FBXO5: variants seen among roughly 807,000 people sequenced by gnomAD.
The protein encoded by FBXO5 is F-box only protein 5.
FBXO5 carries 8 observed loss-of-function variants against 43.3 expected under a neutral mutation model. That is an observed-to-expected ratio of 0.18 (90% CI 0.11 to 0.33). The LOEUF is 0.33. Among genes scored for constraint, FBXO5 ranks in the 10% least tolerant of loss-of-function variants. The probability of loss-of-function intolerance (pLI) is 1.00; values close to 1 mark genes in which losing one functional copy is unlikely to be tolerated. For missense variants in FBXO5, 491 were observed against 535.7 expected (o/e 0.92, Z 0.82); for synonymous variants, 204 against 193.7 (o/e 1.05, Z -0.44).
chr6:152,982,991 G>A lies in FBXO5; in HGVS notation c.-32C>T, dbSNP rs1778289688. ...CGACGTGGAGTCTGCCTCAGGTGGA[G>A]GAACCGCTCCGGGGGCAGCTGAGCA... is the stretch of plus-strand genomic sequence containing the variant. On this transcript the variant is annotated 5_prime_UTR_variant, in exon 1 of 5. Transcript: ENST00000229758. 5 of 1,334,256 alleles carry A rather than the reference G, an allele frequency of 3.7e-6. No homozygotes were observed. Among genetic ancestry groups the A allele is most frequent in the Non-Finnish European group, 2.9e-6 (3 of 1,035,446 alleles). The allele number at this position is 1,334,256 out of a possible 1,614,324, so 82.7% of individuals were successfully genotyped here.
chr6:152,983,024 T>A lies in FBXO5; in HGVS notation c.-65A>T. 1.0e-6 allele frequency: 1 copy of A among 977,704 alleles called. No homozygotes were observed. The highest frequency in any genetic ancestry group is 1.4e-6 in the Non-Finnish European group (1 of 715,524). The allele number at this position is 977,704 out of a possible 1,614,324, so 60.6% of individuals were successfully genotyped here. On this transcript the variant is annotated 5_prime_UTR_variant, in exon 1 of 5. Coordinates refer to ENST00000229758, the MANE Select transcript of FBXO5 (RefSeq NM_012177.5). ...TCCGGGGGCAGCTGAGCAACCTGCC[T>A]GCTTCACAGACCTGTATCTCTTAAA...
chr6:152,983,166 C>A (rs1778294694), upstream of FBXO5: 2 of 398,662 alleles, frequency 5.0e-6, no homozygotes, highest in Admixed American at 4.5e-5. Flanking sequence ...GGGGCGCCCT[C>A]GTCCGCGCCC....
In FBXO5 at chr6:152,973,061, T is replaced by C; in HGVS notation, c.894A>G (p.Ala298=). The C allele has an allele frequency of 6.2e-7, 1 of 1,613,748 alleles. No homozygotes were observed. The highest frequency in any genetic ancestry group is 8.5e-7 in the Non-Finnish European group (1 of 1,179,714). ...DKGAFQLYSK[A]IQRVTENNNK... ...AAACACTTACGGTAACTCTTTGTAT[T>C]GCTTTACTGTACAACTGGAATGCCC... The change falls in exon 3 of 5, where the codon GCA becomes GCG. Residue 298 remains alanine (A), a synonymous_variant. Coordinates refer to ENST00000229758, the MANE Select transcript of FBXO5 (RefSeq NM_012177.5).
At chr6:152,972,935 A>G in intron 3 of FBXO5, 111 bp downstream of exon 3, 1 of 709,356 alleles carries the variant, frequency 1.4e-6, no homozygotes. Context: ...ATAAGGCTGA[A>G]ATACTTTATG....
In FBXO5 at chr6:152,971,034, G is replaced by A. The variant is rs1778077505; in HGVS notation, c.*129C>T. ...GTCTATCCTCTTTATCTTCTGGGGGGAAAAAAACCTCAGGATACTACACCG... is the reference window on the plus strand; with the variant it reads ...GTCTATCCTCTTTATCTTCTGGGGGAAAAAAAACCTCAGGATACTACACCG... On this transcript the variant is annotated 3_prime_UTR_variant, in exon 5 of 5. Coordinates refer to ENST00000229758, the MANE Select transcript of FBXO5 (RefSeq NM_012177.5). 1.2e-6 allele frequency: 1 copy of A among 842,126 alleles called. No homozygotes were observed. Among genetic ancestry groups the A allele is most frequent in the East Asian group, 2.9e-5 (1 of 34,466 alleles). The allele number at this position is 842,126 out of a possible 1,614,324, so 52.2% of individuals were successfully genotyped here.
At chr6:152,977,769 AG>A (rs1049154641) in intron 1 of FBXO5, among the ~76,000 whole-genome samples, 2 of 152,214 alleles carry the variant, frequency 1.3e-5, no homozygotes, top group Non-Finnish European at 2.9e-5. Flanking sequence ...TGCTTTGTTT[AG>A]CTGCCTAAAC....
In FBXO5 at chr6:152,982,919, CG is replaced by C; in HGVS notation, c.40del (p.Arg14AlafsTer11). The stretch of plus-strand genomic sequence containing the variant: ...GCTGGGGCTGGCGCTGCAGGAGCAG[CG>C]GGGTGGCCGTAGGGCGCAGCTGCAG... ...RPCSCALRPP[R>X]CSCSASPSAV... On this transcript the variant is annotated frameshift_variant, in exon 1 of 5. Transcript: ENST00000229758. LOFTEE classifies it high-confidence loss of function. 2 of 1,468,816 alleles carry C rather than the reference CG, an allele frequency of 1.4e-6. No homozygotes were observed. Among genetic ancestry groups the C allele is most frequent in the East Asian group, 2.9e-5 (1 of 34,552 alleles). The allele number at this position is 1,468,816 out of a possible 1,614,324, so 91.0% of individuals were successfully genotyped here. A position where few individuals can be genotyped will look rare whatever the true frequency, so the allele number is the denominator to read the frequency against.
At chr6:152,980,452 G>T (rs1047284682) in intron 1 of FBXO5, among the ~76,000 whole-genome samples, 1 of 152,182 alleles carries the variant, frequency 6.6e-6, no homozygotes, top group South Asian at 2.1e-4. Flanking sequence ...TGAGTTGGGG[G>T]AGGTTATTGA....
At chr6:152,972,920 C>T in intron 3 of FBXO5, 126 bp downstream of exon 3, 1 of 580,230 alleles carries the variant, frequency 1.7e-6, no homozygotes, top group Non-Finnish European at 3.0e-6. Context: ...TTTCTAAGTT[C>T]CAGTATAAGG....
At chr6:152,972,508 A>G (rs1778103145) in intron 3 of FBXO5, 54 bp from the exon 4 acceptor site, 1 of 1,235,432 alleles carries the variant, frequency 8.1e-7, no homozygotes, top group Non-Finnish European at 1.1e-6. Context: ...TGTATCCTCA[A>G]TGAGACATTT....
chr6:152,974,413 A>G (rs1032567690), intron 2 of FBXO5, among the ~76,000 whole-genome samples: 3 of 152,212 alleles, frequency 2.0e-5, no homozygotes, highest in Admixed American at 2.0e-4. Flanking sequence ...TAACTTACAT[A>G]TTAGAAATTT....
chr6:152,977,102 A>G (rs1778180712), intron 1 of FBXO5, among the ~76,000 whole-genome samples: 1 of 152,250 alleles, frequency 6.6e-6, no homozygotes, highest in Non-Finnish European at 1.5e-5. Context: ...CAATTTGAGC[A>G]ACGGCACAAT....
At chr6:152,976,384 T>C (rs1292440496) in intron 1 of FBXO5, among the ~76,000 whole-genome samples, 2 of 152,172 alleles carry the variant, frequency 1.3e-5, no homozygotes, top group African/African-American at 4.8e-5. Flanking sequence ...CTGGTGACCT[T>C]CTAATATATT....
Position 152,982,914 on chromosome 6 carries a change from A to C in FBXO5, c.46T>G (p.Ser16Ala), listed in dbSNP as rs1390793250. The change falls in exon 1 of 5, where the codon TCC becomes GCC. Residue 16 changes from serine to alanine, a missense_variant. Coordinates refer to ENST00000229758, the MANE Select transcript of FBXO5 (RefSeq NM_012177.5). ...ACTGCGCTGGGGCTGGCGCTGCAGG[A>C]GCAGCGGGGTGGCCGTAGGGCGCAG... ...CSCALRPPRC[S>A]CSASPSAVTA... The C allele has an allele frequency of 6.1e-6, 9 of 1,478,400 alleles. No individual in the cohort carries two copies. The highest frequency in any genetic ancestry group is 1.8e-6 in the Non-Finnish European group (2 of 1,122,262). 91.6% of individuals were successfully genotyped at this position (1,478,400 alleles called of 1,614,324 possible).
chr6:152,983,536 G>C (rs1051836065), upstream of FBXO5: 2 of 152,004 alleles, frequency 1.3e-5, no homozygotes, highest in Non-Finnish European at 2.9e-5. Flanking sequence ...CCGGAAGACG[G>C]ACCCTCCCCC....
chr6:152,976,094 T>A (rs1778165261), intron 1 of FBXO5, among the ~76,000 whole-genome samples: 1 of 152,208 alleles, frequency 6.6e-6, no homozygotes, highest in African/African-American at 2.4e-5. Flanking sequence ...GACATTATGG[T>A]TCTCTTTGAC....
Position 152,975,553 on chromosome 6 carries a change from A to G in FBXO5, c.172T>C (p.Ser58Pro), listed in dbSNP as rs1412278254. The G allele has an allele frequency of 6.2e-7, 1 of 1,612,684 alleles. No individual in the cohort carries two copies. The highest frequency in any genetic ancestry group is 8.5e-7 in the Non-Finnish European group (1 of 1,179,678). ...KCDFNCNHVH[S>P]GLKLVKPDDI... ...TCAGGTTTTACCAGTTTAAGTCCGGAATGAACATGGTTACAATTAAAATCA... is the reference window on the plus strand; with the variant it reads ...TCAGGTTTTACCAGTTTAAGTCCGGGATGAACATGGTTACAATTAAAATCA... The change falls in exon 2 of 5, where the codon TCC (serine) becomes CCC (proline). Residue 58 changes from serine (S) to proline (P), a missense_variant. Coordinates refer to ENST00000229758, the MANE Select transcript of FBXO5 (RefSeq NM_012177.5).
At position 152,975,104 on chromosome 6, in the gene FBXO5, C is replaced by T; in HGVS notation, c.621G>A (p.Lys207=). ...CTACTTTAGGATTTCGTTTTGCATT[C>T]TTTTTTAATGTTGAACAAACCACTT... ...FEKVVCSTLK[K]NAKRNPKVDR... The change falls in exon 2 of 5, where the codon AAG becomes AAA. Residue 207 remains lysine (K), a synonymous_variant. Transcript: ENST00000229758. 6.2e-7 allele frequency: 1 copy of T among 1,614,100 alleles called. No homozygotes were observed. Among genetic ancestry groups the T allele is most frequent in the African/African-American group, 1.3e-5 (1 of 75,028 alleles).
At chr6:152,973,812 T>G (rs1778121832) in intron 2 of FBXO5, 1 of 152,110 alleles carries the variant, frequency 6.6e-6, no homozygotes, top group African/African-American at 2.4e-5. Context: ...GCTGAGATCG[T>G]GCCACTGCAC....
Sources: allele counts gnomAD v4.1 joint callset (sites outside exome capture counted in the v4.1 genomes callset), GRCh38; gene constraint gnomAD v4.1.1; transcripts MANE v1.5; gene names NCBI Gene and HGNC (gene_info 2026-07-23, HGNC 2026-07-21).